Variants in PTPRG observed in about 807,000 individuals in gnomAD.
The protein encoded by PTPRG is receptor-type tyrosine-protein phosphatase gamma.
PTPRG carries 102 observed loss-of-function variants against 165.3 expected under a neutral mutation model. The observed-to-expected ratio is 0.62, with a 90% CI of 0.53 to 0.73. PTPRG has a LOEUF of 0.73. Ranked by LOEUF, PTPRG falls within the 30% of genes least tolerant of loss-of-function variation. The pLI is 0.00. For missense variants in PTPRG, 1,866 were observed against 1,861.4 expected, an observed-to-expected ratio of 1.00 and a Z score of -0.05; for synonymous variants, 675 against 669.5, an observed-to-expected ratio of 1.01 and a Z score of -0.13.
At chr3:61,616,537 T>C (rs764065620) in intron 1 of PTPRG, among the ~76,000 whole-genome samples, 1 of 152,202 alleles carries the variant, frequency 6.6e-6, no homozygotes, top group Non-Finnish European at 1.5e-5. Context: ...TGGAATACTC[T>C]TCCGTGTAGA....
At chr3:61,660,387 TTC>T (rs1438745687) in intron 1 of PTPRG, among the ~76,000 whole-genome samples, 4 of 152,238 alleles carry the variant, frequency 2.6e-5, no homozygotes, top group African/African-American at 9.6e-5. Flanking sequence ...GTGGTTAAAC[TTC>T]TTTTTTTGAC....
chr3:61,831,629 A>G (rs377374610), intron 2 of PTPRG, among the ~76,000 whole-genome samples: 1 of 152,176 alleles, frequency 6.6e-6, no homozygotes, highest in Non-Finnish European at 1.5e-5. Flanking sequence ...TATTCTATCT[A>G]CAATTGTTTC....
intron 1 of PTPRG, among the ~76,000 whole-genome samples, chr3:61,712,499 G>A (rs1434278351): frequency 1.3e-5 from 2 of 152,074 alleles, no homozygotes; most frequent in East Asian, 3.9e-4. Flanking sequence ...ATTGGATCAC[G>A]GGGGAGGTTT....
In PTPRG at chr3:62,205,782, C is replaced by T. The variant is rs116063009; in HGVS notation, c.2155+1832C>T. 2.3e-3 allele frequency among the ~76,000 whole-genome samples: 357 copies of T among 152,238 alleles called. 3 individuals carry two copies. The highest frequency in any genetic ancestry group is 7.8e-3 in the African/African-American group (324 of 41,524). On this transcript the variant is annotated intron_variant, in intron 12 of 29. Coordinates refer to ENST00000474889, the MANE Select transcript of PTPRG (RefSeq NM_002841.4). ...GATGGAGGTGCTCTGGAAAGGTACT[C>T]GTTGACCACGCTGAGGATTTCCTTC...
chr3:61,796,553 C>T (rs1409133807), intron 2 of PTPRG, among the ~76,000 whole-genome samples: 2 of 152,110 alleles, frequency 1.3e-5, no homozygotes, highest in African/African-American at 4.8e-5. Context: ...GCTTTGTGTG[C>T]AAGTTGACCA....
At chr3:61,923,968 T>C (rs2039145971) in intron 2 of PTPRG, among the ~76,000 whole-genome samples, 1 of 152,220 alleles carries the variant, frequency 6.6e-6, no homozygotes, top group Admixed American at 6.5e-5. Context: ...CATTATACTA[T>C]TTGCTATAAG....
chr3:62,255,877 G>A lies in PTPRG; in HGVS notation c.2559+662G>A, dbSNP rs1387923977. 6.6e-6 allele frequency among the ~76,000 whole-genome samples: 1 copy of A among 152,138 alleles called. No homozygotes were observed. The highest frequency in any genetic ancestry group is 1.5e-5 in the Non-Finnish European group (1 of 68,032). ...TCTGATTTTAAGAACTGGTGTGTAG[G>A]AAACAAGGTAGAGAGAGGCATGTAC... On this transcript the variant is annotated intron_variant, in intron 16 of 29. Coordinates refer to ENST00000474889, the MANE Select transcript of PTPRG (RefSeq NM_002841.4). The surrounding 1 kb of genome is among the most constrained non-coding windows in gnomAD (Gnocchi z 4.0).
intron 2 of PTPRG, among the ~76,000 whole-genome samples, chr3:61,950,131 T>C (rs6769017): frequency 0.34 from 52,324 of 152,110 alleles, 10,289 homozygotes; most frequent in East Asian, 0.52. Context: ...AATATAAAGT[T>C]TTAAAATACT....
intron 11 of PTPRG, 97 bp downstream of exon 11, chr3:62,201,651 C>A: frequency 2.5e-6 from 3 of 1,199,400 alleles, no homozygotes; most frequent in Non-Finnish European, 3.6e-6. Context: ...TGTTGTTAAA[C>A]TGCTCAGTGT....
At position 62,295,635 on chromosome 3, in the gene PTPRG, G is replaced by A. The variant is rs1703036243; in HGVS notation, c.*2328G>A. 1 of 152,036 alleles carries A rather than the reference G, an allele frequency of 6.6e-6. No homozygotes were observed. The highest frequency in any genetic ancestry group is 2.4e-5 in the African/African-American group (1 of 41,422). The allele number at this position is 152,036 out of a possible 1,614,324, so 9.4% of individuals were successfully genotyped here. Reference sequence around the variant, plus strand: ...AATAGGATAGAAACAATAAAAGAAAGAGTTTAGAAGTTCCCTGTGAGCAAT... The same window carrying A: ...AATAGGATAGAAACAATAAAAGAAAAAGTTTAGAAGTTCCCTGTGAGCAAT... On this transcript the variant is annotated 3_prime_UTR_variant, in exon 30 of 30. Coordinates refer to ENST00000474889, the MANE Select transcript of PTPRG (RefSeq NM_002841.4).
chr3:61,704,304 C>T (rs1359890167), intron 1 of PTPRG, among the ~76,000 whole-genome samples: 1 of 152,090 alleles, frequency 6.6e-6, no homozygotes, highest in African/African-American at 2.4e-5. Context: ...TTAAATGAGT[C>T]CATGCAGGGT....
chr3:61,620,430 C>T (rs1048178524), intron 1 of PTPRG, among the ~76,000 whole-genome samples: 5 of 152,104 alleles, frequency 3.3e-5, no homozygotes, highest in African/African-American at 1.2e-4. Flanking sequence ...GCCATATGAA[C>T]TCATAATGAG....
chr3:61,565,431 C>T (rs1437810297), intron 1 of PTPRG, among the ~76,000 whole-genome samples: 1 of 152,138 alleles, frequency 6.6e-6, no homozygotes, highest in Non-Finnish European at 1.5e-5. Flanking sequence ...ACAACTCAAT[C>T]TTCTCTCATC....
chr3:61,980,575 G>C (rs1204748683), intron 2 of PTPRG, among the ~76,000 whole-genome samples: 1 of 152,056 alleles, frequency 6.6e-6, no homozygotes, highest in Non-Finnish European at 1.5e-5. Context: ...TTTATAATTT[G>C]ACATTTTCGT....
At chr3:61,780,457 G>T (rs2034514087) in intron 2 of PTPRG, among the ~76,000 whole-genome samples, 1 of 152,158 alleles carries the variant, frequency 6.6e-6, no homozygotes, top group African/African-American at 2.4e-5. Flanking sequence ...TGTGAATATT[G>T]TATTTGTTCA....
At chr3:61,868,861 G>A (rs2037482050) in intron 2 of PTPRG, among the ~76,000 whole-genome samples, 1 of 150,994 alleles carries the variant, frequency 6.6e-6, no homozygotes, top group Admixed American at 6.6e-5. Context: ...TTCAATGTGC[G>A]CATTTATAAC....
At chr3:61,758,608 C>T (rs539010079) in intron 2 of PTPRG, among the ~76,000 whole-genome samples, 2 of 152,040 alleles carry the variant, frequency 1.3e-5, no homozygotes, top group South Asian at 4.2e-4. Flanking sequence ...TGCACCACCA[C>T]GTCTAGCTAA....
At chr3:62,038,688 G>T (rs939595418) in intron 4 of PTPRG, among the ~76,000 whole-genome samples, 4 of 152,256 alleles carry the variant, frequency 2.6e-5, no homozygotes, top group East Asian at 3.9e-4. Flanking sequence ...CAGACACCTT[G>T]CCCGGCCATG....
intron 2 of PTPRG, among the ~76,000 whole-genome samples, chr3:61,966,246 C>A (rs1016458517): frequency 3.3e-5 from 5 of 152,084 alleles, no homozygotes; most frequent in Non-Finnish European, 5.9e-5. Flanking sequence ...TGTGTCAGCG[C>A]CAGTGGAGTA....
Sources: gnomAD v4.1 joint callset for allele counts (sites outside exome capture counted in the v4.1 genomes callset) on GRCh38, gnomAD v4.1.1 for gene constraint, Gnocchi (gnomAD v3.1) non-coding constraint, MANE v1.5 for transcripts, NCBI Gene and HGNC (gene_info 2026-07-23, HGNC 2026-07-21) for gene names.